The following MYH2 variants were observed in gnomAD, a reference collection of about 807,000 sequenced individuals.
The protein encoded by MYH2 is myosin-2.
Under a neutral mutation model 228.1 loss-of-function variants are expected in MYH2, and 139 were observed. The ratio of observed to expected loss-of-function variants is 0.61; its 90% CI spans 0.53 to 0.70. The LOEUF (loss-of-function observed/expected upper bound fraction) is 0.70, where lower values mean the gene tolerates loss of function less well. Among genes scored for constraint, MYH2 ranks in the 30% least tolerant of loss-of-function variants. MYH2 has a pLI of 0.00. For synonymous variants in MYH2, 796 were observed against 871.1 expected (o/e 0.91, Z 1.52); for missense variants, 1,809 against 2,357.5 (o/e 0.77, Z 4.82).
At position 10,523,856 on chromosome 17, in the gene MYH2, T is replaced by A; in HGVS notation, c.5204A>T (p.Lys1735Met). The change falls in exon 36 of 40, where the codon AAG becomes ATG. Residue 1735 changes from lysine (K) to methionine (M), a missense_variant. Physicochemically the swap from Lys to Met is moderately conservative, Grantham distance 95. Around this residue, in one of 9 missense-constraint regions of MYH2, gnomAD observed 278 missense variants for 308.5 expected, o/e 0.90. Coordinates refer to ENST00000245503, the MANE Select transcript of MYH2 (RefSeq NM_017534.6). The part of the protein sequence containing the change: ...QNTSLINTKK[K>M]LETDISQMQG... ...CATTTGGGAAATATCTGTCTCCAGC[T>A]TCTTCTTGGTGTTGATCAGGCTGGT... is the stretch of plus-strand genomic sequence containing the variant. 6.2e-7 allele frequency: 1 copy of A among 1,613,996 alleles called. No individual in the cohort carries two copies. The highest frequency in any genetic ancestry group is 8.5e-7 in the Non-Finnish European group (1 of 1,179,840).
chr17:10,527,730 A>G lies in MYH2; in HGVS notation c.3871+18T>C, dbSNP rs2073371227. 5 of 1,613,992 alleles carry G rather than the reference A, an allele frequency of 3.1e-6. No individual in the cohort carries two copies. The highest frequency in any genetic ancestry group is 3.4e-6 in the Non-Finnish European group (4 of 1,180,006). Reference sequence around the variant, plus strand: ...CATCCTCTCCACCCTGAAGCTGCACAGAAGAGGGGAGAGTTACCAGATTCA... The same window carrying G: ...CATCCTCTCCACCCTGAAGCTGCACGGAAGAGGGGAGAGTTACCAGATTCA... On this transcript the variant is annotated intron_variant, in intron 28 of 39. Coordinates refer to ENST00000245503, the MANE Select transcript of MYH2 (RefSeq NM_017534.6).
Position 10,529,385 on chromosome 17 carries a change from T to A in MYH2, c.3214A>T (p.Ile1072Leu), listed in dbSNP as rs2073396485. ...TGTTTCTCATTTTCAATGTCCATTA[T>A]GGATTCTTGGGCCAACTTCAAGTCA... The part of the protein sequence containing the change: ...EGDLKLAQES[I>L]MDIENEKQQL... The change falls in exon 25 of 40, where the codon ATA becomes TTA. Residue 1072 changes from isoleucine (I) to leucine (L), a missense_variant. Ile to Leu is a conservative substitution (Grantham distance 5, BLOSUM62 2). Coordinates refer to ENST00000245503, the MANE Select transcript of MYH2 (RefSeq NM_017534.6). 5.0e-6 allele frequency: 8 copies of A among 1,614,082 alleles called. No homozygotes were observed. The highest frequency in any genetic ancestry group is 1.7e-5 in the Admixed American group (1 of 60,014).
In MYH2 at chr17:10,525,805, A is replaced by G; in HGVS notation, c.4259T>C (p.Leu1420Pro). Reference protein sequence around the residue: ...VEAVNAKCASLEKTKQRLQNE... With the variant: ...VEAVNAKCASPEKTKQRLQNE... ...CTGCAGCCGCTGCTTCGTCTTTTCG[A>G]GGGAAGCACATTTGGCGTTCACAGC... Residue 1420 changes from leucine to proline, a missense_variant, in exon 31 of 40, where the codon CTC becomes CCC. Coordinates refer to ENST00000245503, the MANE Select transcript of MYH2 (RefSeq NM_017534.6). This position sits in a 1 kb window ranked among gnomAD's most constrained non-coding sequence, Gnocchi z 4.2. 1 of 1,614,138 alleles carries G rather than the reference A, an allele frequency of 6.2e-7. No homozygotes were observed. Among genetic ancestry groups the G allele is most frequent in the Non-Finnish European group, 8.5e-7 (1 of 1,180,010 alleles).
intron 5 of MYH2, among the ~76,000 whole-genome samples, chr17:10,544,472 CTA>C (rs1171173798): frequency 1.3e-5 from 2 of 152,222 alleles, no homozygotes; most frequent in Admixed American, 6.5e-5. Flanking sequence ...TTTTAATACT[CTA>C]TCACTAAATA....
chr17:10,539,667 C>A, intron 12 of MYH2, 105 bp from the exon 13 acceptor site: 1 of 1,280,298 alleles, frequency 7.8e-7, no homozygotes, highest in East Asian at 2.4e-5. Context: ...TTTTAAATAT[C>A]TCTTTCTGAG....
In MYH2 at chr17:10,543,914, A is replaced by G; in HGVS notation, c.636T>C (p.Ser212=). 6.2e-7 allele frequency: 1 copy of G among 1,614,220 alleles called. No homozygotes were observed. The highest frequency in any genetic ancestry group is 8.5e-7 in the Non-Finnish European group (1 of 1,180,034). Residue 212 remains serine, a synonymous_variant, in exon 7 of 40, where the codon TCT becomes TCC. Transcript: ENST00000245503. Reference sequence around the variant, plus strand: ...CAATCAGACTCACCTGTATTTTGCCAGAAGTAATTTCTTCCTTCTTCTTCT... The same window carrying G: ...CAATCAGACTCACCTGTATTTTGCCGGAAGTAATTTCTTCCTTCTTCTTCT... ...TGEKKKEEIT[S]GKIQGTLEDQ... is the part of the protein sequence containing the mutation.
Position 10,525,696 on chromosome 17 carries a change from A to G in MYH2, c.4368T>C (p.Asp1456=). 1 of 1,614,170 alleles carries G rather than the reference A, an allele frequency of 6.2e-7. No individual in the cohort carries two copies. Residue 1456 remains aspartate (D), a synonymous_variant, in exon 31 of 40, where the codon GAT becomes GAC. Transcript: ENST00000245503. The surrounding 1 kb of genome is among the most constrained non-coding windows in gnomAD (Gnocchi z 4.2). ...AALDKKQRNF[D]KILAEWKQKC... ...CAGAAGATGCTGGAGGAATTACCTT[A>G]TCGAAGTTCCTTTGCTTTTTGTCAA...
chr17:10,531,684 C>A lies in MYH2; in HGVS notation c.2646G>T (p.Lys882Asn), dbSNP rs755905885. The A allele has an allele frequency of 1.9e-6, 3 of 1,614,174 alleles. No homozygotes were observed. Among genetic ancestry groups the A allele is most frequent in the Non-Finnish European group, 2.5e-6 (3 of 1,180,016 alleles). The change falls in exon 22 of 40, where the codon AAG (lysine) becomes AAT (asparagine). Residue 882 changes from lysine to asparagine, a missense_variant. Physicochemically the swap from Lys to Asn is moderately conservative, Grantham distance 94. This residue lies in a region of MYH2 where 276 missense variants were observed against 344.2 expected (regional missense o/e 0.80). Transcript: ENST00000245503. Reference protein sequence around the residue: ...SEAKRKELEEKMVTLLKEKND... With the variant: ...SEAKRKELEENMVTLLKEKND... Reference sequence around the variant, plus strand: ...TTTTTTCTTTCAACAGCGTCACCATCTTTTCTTCCAGTTCCTTCCTTTTTG... The same window carrying A: ...TTTTTTCTTTCAACAGCGTCACCATATTTTCTTCCAGTTCCTTCCTTTTTG...
Position 10,525,119 on chromosome 17 carries a change from T to C in MYH2, c.4663-54A>G. 1 of 1,614,060 alleles carries C rather than the reference T, an allele frequency of 6.2e-7. No homozygotes were observed. Among genetic ancestry groups the C allele is most frequent in the Non-Finnish European group, 8.5e-7 (1 of 1,179,996 alleles). On this transcript the variant is annotated intron_variant, in intron 33 of 39. Transcript: ENST00000245503. The surrounding 1 kb of genome is among the most constrained non-coding windows in gnomAD (Gnocchi z 4.2). ...AAGGAACCAAAAGCTTTATGAAGTT[T>C]TTCTGCACAGCAATAATTTTGTGCT...
At chr17:10,526,390 T>A (rs1413471842) in intron 30 of MYH2, among the ~76,000 whole-genome samples, 1 of 152,208 alleles carries the variant, frequency 6.6e-6, no homozygotes, top group African/African-American at 2.4e-5. Context: ...TTATTTGCTC[T>A]TCTTTGTTTT....
rs2073401618 is a variant in MYH2, at chr17:10,529,704, C to T, written c.2977G>A (p.Glu993Lys). The stretch of plus-strand genomic sequence containing the variant: ...TCCTTGGTCAGCTTAGCAATGGTTT[C>T]ATCCAGACCTGCCATCTCTTCTGTG... ...NLTEEMAGLDETIAKLTKEKK... is the reference protein window; with the variant it reads ...NLTEEMAGLDKTIAKLTKEKK... The change falls in exon 24 of 40, where the codon GAA becomes AAA. Residue 993 changes from glutamate to lysine, a missense_variant. Glu to Lys is a moderately conservative substitution (Grantham distance 56). Coordinates refer to ENST00000245503, the MANE Select transcript of MYH2 (RefSeq NM_017534.6). 1.2e-6 allele frequency: 2 copies of T among 1,613,960 alleles called. No homozygotes were observed. Among genetic ancestry groups the T allele is most frequent in the Non-Finnish European group, 8.5e-7 (1 of 1,180,018 alleles).
chr17:10,529,786 T>A (rs1221205203), intron 23 of MYH2, 46 bp from the exon 24 acceptor site: 1 of 1,613,966 alleles, frequency 6.2e-7, no homozygotes, highest in East Asian at 2.2e-5. Context: ...AGCACCTTTG[T>A]TGGGTGGCAG....
In MYH2 at chr17:10,529,645, G is replaced by T. The variant is rs775297978; in HGVS notation, c.3036C>A (p.Thr1012=). The change falls in exon 24 of 40, where the codon ACC becomes ACA. Residue 1012 remains threonine, a synonymous_variant. Transcript: ENST00000245503. ...CCTCCTCTGCCTGCAGGTCATCCAG[G>T]GTCTGCTGGTGGGCCTCCTGGAGAG... ...KKALQEAHQQ[T]LDDLQAEEDK... is the part of the protein sequence containing the mutation. 1.2e-6 allele frequency: 2 copies of T among 1,613,950 alleles called. No homozygotes were observed. The highest frequency in any genetic ancestry group is 2.2e-5 in the South Asian group (2 of 91,064).
chr17:10,531,525 C>A (rs1176239814), intron 22 of MYH2, 108 bp downstream of exon 22: 1 of 1,495,186 alleles, frequency 6.7e-7, no homozygotes, highest in Non-Finnish European at 9.3e-7. Context: ...TAACCTTTTC[C>A]TTCCAATGAG....
At chr17:10,522,897 G>T (rs2073301398) in intron 39 of MYH2, among the ~76,000 whole-genome samples, 193 bp downstream of exon 39, 2 of 151,678 alleles carry the variant, frequency 1.3e-5, no homozygotes, top group Admixed American at 6.6e-5. Context: ...ATTTTTTTCA[G>T]GATTCTTGGT....
Position 10,543,919 on chromosome 17 carries a change from T to C in MYH2, c.631A>G (p.Thr211Ala). 3 of 1,614,222 alleles carry C rather than the reference T, an allele frequency of 1.9e-6. No individual in the cohort carries two copies. Among genetic ancestry groups the C allele is most frequent in the Non-Finnish European group, 2.5e-6 (3 of 1,180,030 alleles). ...AGACTCACCTGTATTTTGCCAGAAG[T>C]AATTTCTTCCTTCTTCTTCTCACCA... Reference protein sequence around the residue: ...VTGEKKKEEITSGKIQGTLED... With the variant: ...VTGEKKKEEIASGKIQGTLED... Residue 211 changes from threonine (T) to alanine (A), a missense_variant, in exon 7 of 40, where the codon ACT becomes GCT. Physicochemically the swap from Thr to Ala is moderately conservative, Grantham distance 58. Coordinates refer to ENST00000245503, the MANE Select transcript of MYH2 (RefSeq NM_017534.6).
In MYH2 at chr17:10,543,107, T is replaced by C; in HGVS notation, c.796A>G (p.Ile266Val). Residue 266 changes from isoleucine (I) to valine (V), a missense_variant, in exon 9 of 40, where the codon ATT becomes GTT. Around this residue, in one of 9 missense-constraint regions of MYH2, gnomAD observed 373 missense variants for 620.4 expected, o/e 0.60. Transcript: ENST00000245503. ...GTTGKLASAD[I>V]ETYLLEKSRV... ...ATATCTGAACACTTACATGTTTCAA[T>C]ATCAGCAGATGCCAGTTTTCCAGTA... 6.2e-7 allele frequency: 1 copy of C among 1,612,200 alleles called. No individual in the cohort carries two copies. Among genetic ancestry groups the C allele is most frequent in the Non-Finnish European group, 8.5e-7 (1 of 1,178,618 alleles).
At chr17:10,538,163 A>G (rs1005306796) in intron 14 of MYH2, among the ~76,000 whole-genome samples, 5 of 152,172 alleles carry the variant, frequency 3.3e-5, no homozygotes, top group Non-Finnish European at 5.9e-5. Context: ...ATTTTCCAGA[A>G]GGTTTACAGT....
chr17:10,540,491 C>G, intron 11 of MYH2, 103 bp downstream of exon 11: 2 of 1,019,818 alleles, frequency 2.0e-6, no homozygotes, highest in Non-Finnish European at 3.0e-6. Flanking sequence ...CATTTGCATC[C>G]TGGAATCTTC....
Sources: gnomAD v4.1 joint callset for allele counts (sites outside exome capture counted in the v4.1 genomes callset) on GRCh38, gnomAD v4.1.1 for gene constraint, gnomAD v4.1.1 regional missense constraint, Gnocchi (gnomAD v3.1) non-coding constraint, MANE v1.5 for transcripts, NCBI Gene and HGNC (gene_info 2026-07-23, HGNC 2026-07-21) for gene names.